Variants in ZSWIM6 observed in about 807,000 individuals in gnomAD.
ZSWIM6 encodes the protein zinc finger SWIM-type containing 6.
In ZSWIM6, 9 loss-of-function variants were observed where a neutral mutation model predicts 113.2. That is an observed-to-expected ratio of 0.08 (90% confidence interval 0.05 to 0.14). The LOEUF (loss-of-function observed/expected upper bound fraction) is 0.14. ZSWIM6 is among the 10% of genes least tolerant of loss of function. The pLI is 1.00. For synonymous variants in ZSWIM6, 611 were observed against 606.5 expected, an observed-to-expected ratio of 1.01 and a Z score of -0.11; for missense variants, 1,162 against 1,552.2, an observed-to-expected ratio of 0.75 and a Z score of 4.22.
At chr5:61,476,146 C>T (rs748576227) in intron 2 of ZSWIM6, among the ~76,000 whole-genome samples, 1 of 152,010 alleles carries the variant, frequency 6.6e-6, no homozygotes, top group Non-Finnish European at 1.5e-5. Flanking sequence ...GTAGGTTTTT[C>T]CCCTTTTTCC....
chr5:61,412,147 C>G (rs1579982795), intron 1 of ZSWIM6, among the ~76,000 whole-genome samples: 1 of 152,198 alleles, frequency 6.6e-6, no homozygotes, highest in Non-Finnish European at 1.5e-5. Flanking sequence ...TACCTTATTG[C>G]TTCCAATGAA....
At chr5:61,391,682 C>G in intron 1 of ZSWIM6, 2 of 1,085,168 alleles carry the variant, frequency 1.8e-6, no homozygotes, top group Non-Finnish European at 1.4e-6. Context: ...ACCTTGGATC[C>G]TGGCCTGTCG....
intron 1 of ZSWIM6, among the ~76,000 whole-genome samples, chr5:61,340,065 T>G (rs1254672412): frequency 2.0e-5 from 3 of 152,236 alleles, no homozygotes; most frequent in African/African-American, 4.8e-5. Context: ...TTTTCAGTTT[T>G]TGCTTTCAGT....
chr5:61,504,498 C>T (rs1036527413), intron 4 of ZSWIM6, among the ~76,000 whole-genome samples: 1 of 152,208 alleles, frequency 6.6e-6, no homozygotes, highest in Non-Finnish European at 1.5e-5. Context: ...GGAAACCCAA[C>T]ACCCATCATA....
chr5:61,410,883 C>T (rs981298558), intron 1 of ZSWIM6, among the ~76,000 whole-genome samples: 1 of 152,204 alleles, frequency 6.6e-6, no homozygotes, highest in Admixed American at 6.5e-5. Flanking sequence ...CACTTTTAAT[C>T]TCATCGTGTC....
At chr5:61,433,559 G>C (rs1455400796) in intron 1 of ZSWIM6, among the ~76,000 whole-genome samples, 2 of 149,690 alleles carry the variant, frequency 1.3e-5, no homozygotes, top group African/African-American at 4.9e-5. Context: ...CGCAACCTCC[G>C]CCTCCTGGGT....
chr5:61,522,321 C>T (rs1580060465), intron 5 of ZSWIM6, among the ~76,000 whole-genome samples: 1 of 152,094 alleles, frequency 6.6e-6, no homozygotes. Flanking sequence ...TGATTCAGTG[C>T]ATTTTTTGGG....
intron 4 of ZSWIM6, among the ~76,000 whole-genome samples, chr5:61,510,518 C>A (rs1748752810): frequency 6.7e-6 from 1 of 150,364 alleles, no homozygotes; most frequent in Admixed American, 6.6e-5. Flanking sequence ...TTTTTTCTTC[C>A]CTGGGGGATT....
intron 1 of ZSWIM6, among the ~76,000 whole-genome samples, chr5:61,441,779 C>T (rs1025691148): frequency 9.9e-5 from 15 of 152,100 alleles, no homozygotes; most frequent in South Asian, 2.1e-4. Flanking sequence ...TATGGTTTAG[C>T]GAACTTATCT....
At chr5:61,490,747 A>G in intron 2 of ZSWIM6, 39 bp from the exon 3 acceptor site, 2 of 1,536,460 alleles carry the variant, frequency 1.3e-6, no homozygotes, top group Non-Finnish European at 1.8e-6. Flanking sequence ...CAGAGTTTTT[A>G]TCTAGCCTGT....
intron 1 of ZSWIM6, among the ~76,000 whole-genome samples, chr5:61,352,331 C>T (rs887474062): frequency 6.6e-6 from 1 of 152,182 alleles, no homozygotes; most frequent in Non-Finnish European, 1.5e-5. Context: ...AGAGCAGAAA[C>T]TGTAAATATG....
intron 1 of ZSWIM6, among the ~76,000 whole-genome samples, chr5:61,425,358 C>G (rs140799704): frequency 2.1e-3 from 326 of 152,282 alleles, no homozygotes; most frequent in African/African-American, 7.4e-3. Flanking sequence ...ATTTGTAAAG[C>G]ATTTCCACTG....
chr5:61,391,295 T>C lies in ZSWIM6; in HGVS notation c.676+58347T>C. 3 of 854,406 alleles carry C rather than the reference T, an allele frequency of 3.5e-6. No homozygotes were observed. The South Asian group carries it at 4.0e-5, about 11-fold the overall frequency. 52.9% of individuals were successfully genotyped at this position (854,406 alleles called of 1,614,324 possible). A position where few individuals can be genotyped will look rare whatever the true frequency, so the allele number is the denominator to read the frequency against. On this transcript the variant is annotated intron_variant, in intron 1 of 13. Transcript: ENST00000252744. ...AGCCTCTCGTGGGCCCAGTCCAGCTTCTTGGCCATGGTGCCTCCCTTTACC... is the reference window on the plus strand; with the variant it reads ...AGCCTCTCGTGGGCCCAGTCCAGCTCCTTGGCCATGGTGCCTCCCTTTACC...
chr5:61,428,207 CTTAAAG>C (rs953862516), intron 1 of ZSWIM6, among the ~76,000 whole-genome samples: 12 of 152,132 alleles, frequency 7.9e-5, no homozygotes, highest in South Asian at 2.1e-4. Flanking sequence ...TTTGTTTTGA[CTTAAAG>C]TTAAGGACTG....
chr5:61,387,203 A>G (rs1745606870), intron 1 of ZSWIM6, among the ~76,000 whole-genome samples: 1 of 152,342 alleles, frequency 6.6e-6, no homozygotes, highest in South Asian at 2.1e-4. Context: ...AATAAGATAC[A>G]GTAAATTGGC....
chr5:61,406,132 T>A (rs547596177), intron 1 of ZSWIM6, among the ~76,000 whole-genome samples: 3 of 152,346 alleles, frequency 2.0e-5, no homozygotes, highest in South Asian at 2.1e-4. Context: ...ACACAGGTAC[T>A]TTGAACTTTA....
At chr5:61,464,901 C>T (rs2112173236) in intron 1 of ZSWIM6, among the ~76,000 whole-genome samples, 1 of 152,348 alleles carries the variant, frequency 6.6e-6, no homozygotes, top group South Asian at 2.1e-4. Context: ...CAAGAGTTGC[C>T]ACTTGGGCAC....
intron 4 of ZSWIM6, among the ~76,000 whole-genome samples, chr5:61,505,779 C>T (rs533405733): frequency 6.7e-6 from 1 of 149,566 alleles, no homozygotes; most frequent in Admixed American, 6.7e-5. Context: ...GAGACAGTCT[C>T]GCTCTGTCAC....
intron 1 of ZSWIM6, among the ~76,000 whole-genome samples, chr5:61,338,799 C>T (rs371789823): frequency 6.6e-6 from 1 of 152,190 alleles, no homozygotes; most frequent in East Asian, 1.9e-4. Context: ...AGGCTATCCT[C>T]ATTATTTTTT....
Sources: gnomAD v4.1 joint callset for allele counts (sites outside exome capture counted in the v4.1 genomes callset) on GRCh38, gnomAD v4.1.1 for gene constraint, MANE v1.5 for transcripts, NCBI Gene and HGNC (gene_info 2026-07-23, HGNC 2026-07-21) for gene names.